The following INPP5A variants were observed in gnomAD, a reference collection of about 807,000 sequenced individuals.
INPP5A encodes the protein 43 kDa inositol polyphosphate 5-phophatase.
INPP5A carries 14 observed loss-of-function variants against 65.2 expected under a neutral mutation model. The ratio of observed to expected loss-of-function variants is 0.21; its 90% CI spans 0.14 to 0.34. INPP5A has a LOEUF of 0.34. INPP5A is among the 10% of genes least tolerant of loss of function. The probability of loss-of-function intolerance (pLI) is 1.00; values close to 1 mark genes in which losing one functional copy is unlikely to be tolerated. For synonymous variants in INPP5A, 207 were observed against 208.3 expected (o/e 0.99, Z 0.05); for missense variants, 431 against 545.6 (o/e 0.79, Z 2.09).
At chr10:132,719,941 C>G (rs1469151686) in intron 8 of INPP5A, among the ~76,000 whole-genome samples, 34 of 120,998 alleles carry the variant, frequency 2.8e-4, no homozygotes, top group Admixed American at 6.2e-4. Context: ...CGGCTGTCTT[C>G]AGGGTTCTGT....
At chr10:132,558,916 C>T (rs1590827949) in intron 1 of INPP5A, among the ~76,000 whole-genome samples, 3 of 152,320 alleles carry the variant, frequency 2.0e-5, no homozygotes, top group Middle Eastern at 3.4e-3. Context: ...GCTGCCGTTC[C>T]CTCCACACCC....
intron 5 of INPP5A, among the ~76,000 whole-genome samples, chr10:132,693,223 C>A: frequency 6.6e-6 from 1 of 151,906 alleles, no homozygotes; most frequent in African/African-American, 2.4e-5. Context: ...CCAGTAAAAG[C>A]CAGAGAAGGC....
intron 2 of INPP5A, among the ~76,000 whole-genome samples, chr10:132,608,238 C>T (rs1290555158): frequency 6.6e-6 from 1 of 152,234 alleles, no homozygotes; most frequent in Non-Finnish European, 1.5e-5. Flanking sequence ...ATCAGAGAAC[C>T]TGGGGGCTCC....
intron 5 of INPP5A, among the ~76,000 whole-genome samples, chr10:132,695,995 G>C (rs1227412112): frequency 1.3e-5 from 2 of 152,128 alleles, no homozygotes; most frequent in Admixed American, 6.5e-5. Context: ...ATTAGAATGT[G>C]AGGTCAGAGC....
At chr10:132,589,843 T>C (rs1318485960) in intron 1 of INPP5A, among the ~76,000 whole-genome samples, 1 of 152,072 alleles carries the variant, frequency 6.6e-6, no homozygotes, top group Admixed American at 6.5e-5. Context: ...GTTGTGGGGT[T>C]AGGGGGTGAC....
chr10:132,555,030 TTG>T lies in INPP5A; in HGVS notation c.75+16866_75+16867del, dbSNP rs1802078812. 6.7e-6 allele frequency among the ~76,000 whole-genome samples: 1 copy of T among 149,102 alleles called. No homozygotes were observed. The highest frequency in any genetic ancestry group is 2.5e-5 in the African/African-American group (1 of 40,202). On this transcript the variant is annotated intron_variant, in intron 1 of 15. Transcript: ENST00000368594. This position sits in a 1 kb window ranked among gnomAD's most constrained non-coding sequence, Gnocchi z 4.4. ...TGTGGGTAGTATGGGTGGCATGGTA[TTG>T]TGTGTGGCATGATTGGTATGGGTGG... is the stretch of plus-strand genomic sequence containing the variant.
chr10:132,620,643 A>C (rs2072096084), intron 2 of INPP5A, among the ~76,000 whole-genome samples: 1 of 152,258 alleles, frequency 6.6e-6, no homozygotes, highest in African/African-American at 2.4e-5. Flanking sequence ...TTTATATGAA[A>C]GAAACTTTTT....
rs566213707 is a variant in INPP5A, at chr10:132,763,516, CAT to C, written c.904-2255_904-2254del. Among the ~76,000 whole-genome samples, 8 of 152,296 alleles carry C rather than the reference CAT, an allele frequency of 5.3e-5. No individual in the cohort carries two copies. In the South Asian group the frequency reaches 1.7e-3, roughly 32 times the overall value. Reference sequence around the variant, plus strand: ...GCAAAGACACACATGCCTGCATACACATAAACACGTGCCTGCATGCACACACA... The same window carrying C: ...GCAAAGACACACATGCCTGCATACACAAACACGTGCCTGCATGCACACACA... On this transcript the variant is annotated intron_variant, in intron 11 of 15. Coordinates refer to ENST00000368594, the MANE Select transcript of INPP5A (RefSeq NM_005539.5).
At chr10:132,736,494 G>A (rs755294441) in intron 9 of INPP5A, among the ~76,000 whole-genome samples, 8 of 152,362 alleles carry the variant, frequency 5.3e-5, no homozygotes, top group South Asian at 2.1e-4. Flanking sequence ...AGAAGGAGCC[G>A]TCCTCGGAGA....
intron 2 of INPP5A, among the ~76,000 whole-genome samples, chr10:132,634,384 C>G (rs991302137): frequency 6.9e-6 from 1 of 145,926 alleles, no homozygotes; most frequent in Non-Finnish European, 1.5e-5. Context: ...GGGTGTGCCC[C>G]AGAGAGGCAT....
intron 2 of INPP5A, among the ~76,000 whole-genome samples, chr10:132,612,184 G>T (rs1384363030): frequency 7.5e-6 from 1 of 133,560 alleles, no homozygotes; most frequent in Non-Finnish European, 1.6e-5. Context: ...GGGGAGAGGC[G>T]CTGTCTGAAG....
chr10:132,758,837 G>C (rs1846678869), intron 11 of INPP5A, among the ~76,000 whole-genome samples: 1 of 152,214 alleles, frequency 6.6e-6, no homozygotes, highest in East Asian at 1.9e-4. Context: ...GGGGTCTCCT[G>C]TGGCTGTGGG....
rs541065235 is a variant in INPP5A at position 132,613,664 on chromosome 10, C to CA, written c.117+5709dup. Among the ~76,000 whole-genome samples the CA allele has an allele frequency of 4.3e-3, 655 of 152,346 alleles. 6 individuals are homozygous for CA. The highest frequency in any genetic ancestry group is 0.015 in the African/African-American group (623 of 41,590). On this transcript the variant is annotated intron_variant, in intron 2 of 15. Coordinates refer to ENST00000368594, the MANE Select transcript of INPP5A (RefSeq NM_005539.5). Reference sequence around the variant, plus strand: ...CGATTTCAATGCCAATCCCCACTCTCATGCTTGTTTTAGCCTGACTTTGTT... The same window carrying CA: ...CGATTTCAATGCCAATCCCCACTCTCAATGCTTGTTTTAGCCTGACTTTGTT...
rs1396691611 is a variant in INPP5A, at chr10:132,773,198, G to A, written c.978-4473G>A. Among the ~76,000 whole-genome samples the A allele has an allele frequency of 3.3e-5, 5 of 152,320 alleles. No homozygotes were observed. The East Asian group carries it at 9.6e-4, about 29-fold the overall frequency. Reference sequence around the variant, plus strand: ...TGAAGTGAAATTTACTAAAATAAATGGAAAAGTTTAGAAGTTCTATTGCTA... The same window carrying A: ...TGAAGTGAAATTTACTAAAATAAATAGAAAAGTTTAGAAGTTCTATTGCTA... On this transcript the variant is annotated intron_variant, in intron 12 of 15. Transcript: ENST00000368594.
intron 1 of INPP5A, among the ~76,000 whole-genome samples, chr10:132,548,473 C>T (rs1487786004): frequency 1.3e-5 from 2 of 152,166 alleles, no homozygotes; most frequent in East Asian, 1.9e-4. Context: ...TGTGTTTGCG[C>T]GTTTAACAGT....
At chr10:132,726,428 G>T (rs1251452345) in intron 8 of INPP5A, among the ~76,000 whole-genome samples, 1 of 151,924 alleles carries the variant, frequency 6.6e-6, no homozygotes, top group Non-Finnish European at 1.5e-5. Flanking sequence ...CTCTGCGGTG[G>T]ATTATTTGGT....
rs2072207555 is a variant in INPP5A, at chr10:132,627,797, G to T, written c.118-18071G>T. Among the ~76,000 whole-genome samples, 1 of 152,162 alleles carries T rather than the reference G, an allele frequency of 6.6e-6. No individual in the cohort carries two copies. The highest frequency in any genetic ancestry group is 2.4e-5 in the African/African-American group (1 of 41,422). On this transcript the variant is annotated intron_variant, in intron 2 of 15. Transcript: ENST00000368594. The surrounding 1 kb of genome is among the most constrained non-coding windows in gnomAD (Gnocchi z 6.6). ...GACTTTCTTCATCCTCAGGGTAACG[G>T]CAGCCACGGACAGATTTGTGAGGAC...
chr10:132,710,519 G>A lies in INPP5A; in HGVS notation c.647+63G>A. ...GTAGGTGTGCTGGGCAGGCAGGTGTGAGTGGAGAGGTAGGTGTGGGCGGAC... is the reference window on the plus strand; with the variant it reads ...GTAGGTGTGCTGGGCAGGCAGGTGTAAGTGGAGAGGTAGGTGTGGGCGGAC... On this transcript the variant is annotated intron_variant, in intron 8 of 15. Transcript: ENST00000368594. 2.5e-6 allele frequency: 4 copies of A among 1,577,066 alleles called. No homozygotes were observed. In the South Asian group the frequency reaches 4.5e-5, roughly 18 times the overall value.
At chr10:132,635,673 G>T (rs2072339369) in intron 2 of INPP5A, among the ~76,000 whole-genome samples, 1 of 151,822 alleles carries the variant, frequency 6.6e-6, no homozygotes, top group African/African-American at 2.4e-5. Flanking sequence ...GGGATTACAC[G>T]CATGAGCCAT....
Sources: allele counts gnomAD v4.1 joint callset (sites outside exome capture counted in the v4.1 genomes callset), GRCh38; gene constraint gnomAD v4.1.1; non-coding constraint Gnocchi (gnomAD v3.1); transcripts MANE v1.5; gene names NCBI Gene and HGNC (gene_info 2026-07-23, HGNC 2026-07-21).